The following RANBP2 variants were observed in gnomAD, a reference collection of about 807,000 sequenced individuals.
RANBP2 encodes E3 SUMO-protein ligase RanBP2.
A neutral mutation model predicts 303.6 loss-of-function variants in RANBP2; 57 were observed. The observed-to-expected ratio is 0.19, with a 90% CI of 0.15 to 0.23. RANBP2 has a LOEUF of 0.23. Ranked by LOEUF, RANBP2 falls within the 10% of genes least tolerant of loss-of-function variation. The pLI is 1.00. For missense variants in RANBP2, 3,138 were observed against 3,780.8 expected (o/e 0.83, Z 4.46); for synonymous variants, 1,167 against 1,301.5 (o/e 0.90, Z 2.23).
the RANBP2 span, among the ~76,000 whole-genome samples, chr2:109,092,678 C>T: frequency 6.6e-6 from 1 of 152,074 alleles, no homozygotes; most frequent in Non-Finnish European, 1.5e-5. Flanking sequence ...GGTATGCCAA[C>T]AAAAAGGGTA....
the RANBP2 span, among the ~76,000 whole-genome samples, chr2:109,040,584 A>T: frequency 6.6e-6 from 1 of 152,204 alleles, no homozygotes; most frequent in African/African-American, 2.4e-5. Context: ...AAAATTTCCA[A>T]TCCACAGATG....
chr2:108,814,734 C>T, the RANBP2 span, among the ~76,000 whole-genome samples: 1 of 148,522 alleles, frequency 6.7e-6, no homozygotes, highest in South Asian at 2.1e-4. Flanking sequence ...AGTGGTGCAA[C>T]CTTTGCCTTC....
At chr2:109,355,689 G>A in the RANBP2 span, among the ~76,000 whole-genome samples, 2 of 152,262 alleles carry the variant, frequency 1.3e-5, no homozygotes, top group African/African-American at 4.8e-5. Context: ...GCATCTGTTG[G>A]GAAACAGTGA....
At chr2:109,177,684 G>T in the RANBP2 span, among the ~76,000 whole-genome samples, 4 of 152,268 alleles carry the variant, frequency 2.6e-5, no homozygotes, top group East Asian at 3.9e-4. Flanking sequence ...TGCTTGTGTA[G>T]TAATCTAAAA....
chr2:108,924,606 G>A, the RANBP2 span, among the ~76,000 whole-genome samples: 1 of 152,202 alleles, frequency 6.6e-6, no homozygotes, highest in African/African-American at 2.4e-5. Flanking sequence ...CTAAGCAGCA[G>A]CCTGGCACGG....
the RANBP2 span, among the ~76,000 whole-genome samples, chr2:109,010,470 C>T: frequency 5.9e-5 from 9 of 152,120 alleles, no homozygotes; most frequent in Non-Finnish European, 1.2e-4. Flanking sequence ...TGATAAAATA[C>T]GACGGACAGA....
chr2:108,875,316 TA>T, the RANBP2 span, among the ~76,000 whole-genome samples: 1 of 22,694 alleles, frequency 4.4e-5, no homozygotes, highest in South Asian at 1.7e-3. Flanking sequence ...ACTTAAAGTA[TA>T]ATAAAAAAAA....
At chr2:108,813,671 A>G in the RANBP2 span, among the ~76,000 whole-genome samples, 1 of 152,214 alleles carries the variant, frequency 6.6e-6, no homozygotes, top group Admixed American at 6.5e-5. Flanking sequence ...CCTTTAGTGT[A>G]AAGTTTGATT....
the RANBP2 span, among the ~76,000 whole-genome samples, chr2:108,874,074 A>G: frequency 6.6e-6 from 1 of 152,204 alleles, no homozygotes; most frequent in Non-Finnish European, 1.5e-5. Context: ...TAAATGCTTC[A>G]TATAAAAGTA....
chr2:109,050,952 T>A, the RANBP2 span, among the ~76,000 whole-genome samples: 1 of 152,114 alleles, frequency 6.6e-6, no homozygotes, highest in African/African-American at 2.4e-5. Context: ...TTCCCATCCC[T>A]CCTCACTAAA....
the RANBP2 span, among the ~76,000 whole-genome samples, chr2:109,276,974 C>G: frequency 6.6e-6 from 1 of 152,046 alleles, no homozygotes; most frequent in East Asian, 1.9e-4. Flanking sequence ...CTCGGCTTCT[C>G]CCTGAAAGGA....
chr2:108,903,149 C>CA, the RANBP2 span, among the ~76,000 whole-genome samples: 1 of 151,782 alleles, frequency 6.6e-6, no homozygotes, highest in Non-Finnish European at 1.5e-5. Context: ...TACAGTGGCT[C>CA]AAAAAATAAA....
chr2:109,532,706 A>T, the RANBP2 span, among the ~76,000 whole-genome samples: 1 of 152,150 alleles, frequency 6.6e-6, no homozygotes, highest in Non-Finnish European at 1.5e-5. Context: ...GGATAGCACA[A>T]AGGAGCTCTT....
At chr2:109,169,597 C>A in the RANBP2 span, among the ~76,000 whole-genome samples, 1 of 152,018 alleles carries the variant, frequency 6.6e-6, no homozygotes, top group African/African-American at 2.4e-5. Context: ...ACAAACTGAC[C>A]GAGCTTAGCA....
chr2:109,231,595 C>G, the RANBP2 span, among the ~76,000 whole-genome samples: 4 of 152,214 alleles, frequency 2.6e-5, no homozygotes, highest in Admixed American at 1.3e-4. Flanking sequence ...CTTCTTTCCA[C>G]CTACTAGTTA....
chr2:109,022,030 A>T, the RANBP2 span, among the ~76,000 whole-genome samples: 1 of 152,156 alleles, frequency 6.6e-6, no homozygotes, highest in African/African-American at 2.4e-5. Flanking sequence ...ACACAATTCG[A>T]AGGCTTTCTG....
At chr2:109,133,842 G>T in the RANBP2 span, among the ~76,000 whole-genome samples, 3 of 151,630 alleles carry the variant, frequency 2.0e-5, no homozygotes, top group Admixed American at 2.0e-4. Context: ...AAGGACAACA[G>T]ATCCCTGATA....
the RANBP2 span, among the ~76,000 whole-genome samples, chr2:109,170,252 C>A: frequency 7.2e-5 from 1 of 13,926 alleles, no homozygotes; most frequent in South Asian, 3.1e-3. Flanking sequence ...CTTTTCTCTT[C>A]TCTTCTCTTC....
At chr2:109,706,126 C>A in the RANBP2 span, among the ~76,000 whole-genome samples, 1 of 152,202 alleles carries the variant, frequency 6.6e-6, no homozygotes. Flanking sequence ...CACCTCTCAC[C>A]TGGGCTAGGC....
Sources: allele counts gnomAD v4.1 joint callset (sites outside exome capture counted in the v4.1 genomes callset), GRCh38; gene constraint gnomAD v4.1.1; transcripts MANE v1.5; gene names NCBI Gene and HGNC (gene_info 2026-07-23, HGNC 2026-07-21).